Variants in CCDC170 observed in about 807,000 individuals in gnomAD.
The protein encoded by CCDC170 is coiled-coil domain-containing protein 170.
CCDC170 carries 69 observed loss-of-function variants against 72.6 expected under a neutral mutation model. The ratio of observed to expected loss-of-function variants is 0.95; its 90% CI spans 0.78 to 1.16. The LOEUF (loss-of-function observed/expected upper bound fraction) is 1.16, where lower values mean the gene tolerates loss of function less well. CCDC170 is among the 50% of genes most tolerant of loss of function. The probability of loss-of-function intolerance (pLI) is 0.00; values close to 1 mark genes in which losing one functional copy is unlikely to be tolerated. For synonymous variants in CCDC170, 300 were observed against 303.9 expected (o/e 0.99, Z 0.13); for missense variants, 852 against 832.5 (o/e 1.02, Z -0.29).
intron 3 of CCDC170, among the ~76,000 whole-genome samples, chr6:151,543,047 A>G (rs1412351186): frequency 6.6e-6 from 1 of 152,010 alleles, no homozygotes. Context: ...AACACTCAAC[A>G]TGGTAAAAAG....
At chr6:151,566,670 G>T (rs372415643) in intron 5 of CCDC170, among the ~76,000 whole-genome samples, 6 of 152,126 alleles carry the variant, frequency 3.9e-5, no homozygotes, top group African/African-American at 1.4e-4. Context: ...ATTCTTCTTT[G>T]TGTGTAGGAG....
At chr6:151,606,186 G>A (rs1008867279) in intron 9 of CCDC170, among the ~76,000 whole-genome samples, 2 of 152,208 alleles carry the variant, frequency 1.3e-5, no homozygotes, top group Non-Finnish European at 2.9e-5. Context: ...ACAGGCGTGA[G>A]CCACTGCACC....
At chr6:151,569,857 A>G (rs1257798561) in intron 5 of CCDC170, among the ~76,000 whole-genome samples, 2 of 152,180 alleles carry the variant, frequency 1.3e-5, no homozygotes, top group East Asian at 3.8e-4. Flanking sequence ...CGAGTCCTGC[A>G]TTTTATACAA....
chr6:151,549,581 C>A (rs1323570505), intron 5 of CCDC170, among the ~76,000 whole-genome samples: 1 of 152,056 alleles, frequency 6.6e-6, no homozygotes, highest in South Asian at 2.1e-4. Flanking sequence ...TTTCTGTTAA[C>A]AATTTCTTTC....
intron 1 of CCDC170, among the ~76,000 whole-genome samples, chr6:151,498,666 A>C (rs2115015739): frequency 6.6e-6 from 1 of 152,332 alleles, no homozygotes; most frequent in Non-Finnish European, 1.5e-5. Context: ...ACTGTATTTA[A>C]CTATTCTAGG....
chr6:151,552,223 C>T (rs9383581), intron 5 of CCDC170, among the ~76,000 whole-genome samples: 24,060 of 152,070 alleles, frequency 0.16, 2,397 homozygotes, highest in East Asian at 0.5. Flanking sequence ...TTATATTTCA[C>T]ATTGCATTCT....
chr6:151,545,069 T>C (rs1782750573), intron 4 of CCDC170, among the ~76,000 whole-genome samples: 1 of 152,174 alleles, frequency 6.6e-6, no homozygotes, highest in South Asian at 2.1e-4. Context: ...CAGCTGCATG[T>C]CATTTTTAGG....
intron 5 of CCDC170, among the ~76,000 whole-genome samples, chr6:151,553,697 T>G (rs1244845871): frequency 6.6e-6 from 1 of 152,112 alleles, no homozygotes; most frequent in Non-Finnish European, 1.5e-5. Context: ...ACATTCACTT[T>G]GGGATGAAGT....
chr6:151,541,920 C>T (rs1334403421), intron 3 of CCDC170, among the ~76,000 whole-genome samples: 1 of 146,906 alleles, frequency 6.8e-6, no homozygotes, highest in African/African-American at 2.5e-5. Flanking sequence ...TGCTTTGTCA[C>T]CCAGGCTGGA....
In CCDC170 at chr6:151,536,273, T is replaced by G. The variant is rs760311316; in HGVS notation, c.58-45T>G. The stretch of plus-strand genomic sequence containing the variant: ...TGTGCAGCTGCACGGAAAAGATCGT[T>G]TAACACTCTTCTTTATATTTTGTAT... On this transcript the variant is annotated intron_variant, in intron 1 of 10. Transcript: ENST00000239374. 10 of 1,605,030 alleles carry G rather than the reference T, an allele frequency of 6.2e-6. No individual in the cohort carries two copies. In the South Asian group the frequency reaches 1.1e-4, roughly 18 times the overall value.
intron 1 of CCDC170, among the ~76,000 whole-genome samples, chr6:151,525,211 C>G (rs1007460005): frequency 6.6e-6 from 1 of 152,138 alleles, no homozygotes; most frequent in Admixed American, 6.5e-5. Context: ...GGATTACAGG[C>G]GTGAGCCACC....
At position 151,618,084 on chromosome 6, in the gene CCDC170, C is replaced by A. The variant is rs772690278; in HGVS notation, c.2085C>A (p.Cys695Ter). 1.9e-6 allele frequency: 3 copies of A among 1,614,080 alleles called. No homozygotes were observed. The highest frequency in any genetic ancestry group is 1.1e-5 in the South Asian group (1 of 91,058). Residue 695 changes from cysteine to a stop codon, truncating the protein, a stop_gained, in exon 11 of 11, where the codon TGC becomes TGA. Coordinates refer to ENST00000239374, the MANE Select transcript of CCDC170 (RefSeq NM_025059.4). LOFTEE classifies it low-confidence loss of function (END_TRUNC). ...SHQHHFVTCA[C>*]LKDVTTGQER... Reference sequence around the variant, plus strand: ...AGCATCACTTTGTTACCTGTGCCTGCCTCAAAGATGTGACTACTGGGCAAG... The same window carrying A: ...AGCATCACTTTGTTACCTGTGCCTGACTCAAAGATGTGACTACTGGGCAAG...
intron 1 of CCDC170, among the ~76,000 whole-genome samples, chr6:151,513,142 A>T (rs1782172092): frequency 6.6e-6 from 1 of 152,242 alleles, no homozygotes; most frequent in African/African-American, 2.4e-5. Flanking sequence ...AGAGTAGTCA[A>T]CTTAAAATAC....
At chr6:151,603,651 A>G (rs1384729606) in intron 9 of CCDC170, among the ~76,000 whole-genome samples, 3 of 152,168 alleles carry the variant, frequency 2.0e-5, no homozygotes. Flanking sequence ...TAGAGAGGAG[A>G]GGCATTTATT....
At chr6:151,586,873 C>T (rs1014956733) in intron 7 of CCDC170, among the ~76,000 whole-genome samples, 1 of 152,038 alleles carries the variant, frequency 6.6e-6, no homozygotes, top group Non-Finnish European at 1.5e-5. Flanking sequence ...CAACCTCTGC[C>T]TCCTGGGTTC....
chr6:151,572,077 C>T (rs12203880), intron 5 of CCDC170, among the ~76,000 whole-genome samples: 14,565 of 152,056 alleles, frequency 0.096, 706 homozygotes, highest in Non-Finnish European at 0.11. Context: ...TGGTCTCCAA[C>T]TCCTGGGCTC....
chr6:151,534,353 T>C (rs6557144), intron 1 of CCDC170, among the ~76,000 whole-genome samples: 130,386 of 151,764 alleles, frequency 0.86, 56,169 homozygotes, highest in African/African-American at 0.91. Flanking sequence ...CTGCACCTGG[T>C]CTAGCTTCTT....
At position 151,557,926 on chromosome 6, in the gene CCDC170, C is replaced by G. The variant is rs1783009767; in HGVS notation, c.774+9437C>G. The stretch of plus-strand genomic sequence containing the variant: ...CCAGCCTGGCCAACATGGCCAAACT[C>G]CATCTCTGCTGAAAACACAAAAAAT... On this transcript the variant is annotated intron_variant, in intron 5 of 10. Transcript: ENST00000239374. Among the ~76,000 whole-genome samples, 6 of 152,116 alleles carry G rather than the reference C, an allele frequency of 3.9e-5. No individual in the cohort carries two copies. In the South Asian group the frequency reaches 1.2e-3, roughly 32 times the overall value.
intron 5 of CCDC170, among the ~76,000 whole-genome samples, chr6:151,555,142 A>T (rs1451635740): frequency 2.0e-5 from 3 of 151,942 alleles, no homozygotes; most frequent in Non-Finnish European, 2.9e-5. Context: ...TCGGCCTCCC[A>T]AAGTGCTGGG....
Sources: allele counts gnomAD v4.1 joint callset (sites outside exome capture counted in the v4.1 genomes callset), GRCh38; gene constraint gnomAD v4.1.1; transcripts MANE v1.5; gene names NCBI Gene and HGNC (gene_info 2026-07-23, HGNC 2026-07-21).